FGF14: variants seen among roughly 807,000 people sequenced by gnomAD.
FGF14 encodes fibroblast growth factor homologous factor 4.
FGF14 carries 5 observed loss-of-function variants against 25.5 expected under a neutral mutation model. The observed-to-expected ratio is 0.20, with a 90% CI of 0.10 to 0.41. The LOEUF (loss-of-function observed/expected upper bound fraction) is 0.41. FGF14 is among the 10% of genes least tolerant of loss of function. The pLI is 1.00. For synonymous variants in FGF14, 138 were observed against 118.3 expected, an observed-to-expected ratio of 1.17 and a Z score of -1.08; for missense variants, 222 against 320.1, an observed-to-expected ratio of 0.69 and a Z score of 2.34.
At chr13:102,201,754 A>G (rs890434236) in intron 1 of FGF14, among the ~76,000 whole-genome samples, 17 of 152,200 alleles carry the variant, frequency 1.1e-4, no homozygotes, top group African/African-American at 3.9e-4. Flanking sequence ...GAGAATGCTG[A>G]GGGACAAATT....
At chr13:102,207,263 C>A (rs1365798002) in intron 1 of FGF14, among the ~76,000 whole-genome samples, 3 of 151,428 alleles carry the variant, frequency 2.0e-5, no homozygotes, top group African/African-American at 7.3e-5. Context: ...CTGGGAGATA[C>A]AGTGAGACTC....
At chr13:102,005,070 G>C (rs2039709829) in intron 1 of FGF14, among the ~76,000 whole-genome samples, 10 of 152,188 alleles carry the variant, frequency 6.6e-5, no homozygotes, top group Admixed American at 6.5e-4. Context: ...CCAAAGAAGA[G>C]ATTGCATTAG....
chr13:101,907,256 C>T (rs186144210), intron 1 of FGF14, among the ~76,000 whole-genome samples: 28 of 152,084 alleles, frequency 1.8e-4, no homozygotes, highest in Admixed American at 8.5e-4. Flanking sequence ...CTAATGGTAC[C>T]CGAATACCAA....
intron 3 of FGF14, among the ~76,000 whole-genome samples, chr13:101,862,057 C>T (rs1594521030): frequency 6.6e-6 from 1 of 152,052 alleles, no homozygotes; most frequent in African/African-American, 2.4e-5. Context: ...GGGGCTAGAG[C>T]AGATAAGGTA....
chr13:101,833,724 GCA>G (rs1462711762), intron 3 of FGF14, among the ~76,000 whole-genome samples: 2 of 151,980 alleles, frequency 1.3e-5, no homozygotes, highest in Non-Finnish European at 2.9e-5. Flanking sequence ...TGGCTAGTTT[GCA>G]CACAGTTCAA....
chr13:101,916,704 A>T lies in FGF14; in HGVS notation c.-59T>A. The T allele has an allele frequency of 7.1e-7, 1 of 1,406,190 alleles. No individual in the cohort carries two copies. Among genetic ancestry groups the T allele is most frequent in the Non-Finnish European group, 9.4e-7 (1 of 1,064,818 alleles). The allele number at this position is 1,406,190 out of a possible 1,614,324, so 87.1% of individuals were successfully genotyped here. On this transcript the variant is annotated 5_prime_UTR_variant, in exon 1 of 5. Coordinates refer to ENST00000376143, the MANE Select transcript of FGF14 (RefSeq NM_004115.4). ...CGCGGGAGGACGGCGAGCCGGGGGC[A>T]CCGGAGGGGAAGGCGGCGGCGCAGA...
At chr13:102,378,846 CAAT>C (rs1171700597) in intron 1 of FGF14, among the ~76,000 whole-genome samples, 1 of 151,932 alleles carries the variant, frequency 6.6e-6, no homozygotes, top group Non-Finnish European at 1.5e-5. Context: ...GACTATCTAA[CAAT>C]AATTGCAAAG....
chr13:102,092,898 G>T (rs1270381941), intron 1 of FGF14, among the ~76,000 whole-genome samples: 1 of 152,126 alleles, frequency 6.6e-6, no homozygotes, highest in African/African-American at 2.4e-5. Flanking sequence ...TACAGCAAAG[G>T]TTTTATGAAG....
intron 3 of FGF14, among the ~76,000 whole-genome samples, chr13:101,727,835 A>T (rs1784843822): frequency 6.6e-6 from 1 of 152,282 alleles, no homozygotes; most frequent in African/African-American, 2.4e-5. Context: ...TTCTATATGT[A>T]TATAAAATAT....
chr13:102,163,691 T>C (rs1180919471), intron 1 of FGF14, among the ~76,000 whole-genome samples: 2 of 151,908 alleles, frequency 1.3e-5, no homozygotes. Context: ...CACAAAAGTA[T>C]AGGGTGTAGG....
At chr13:101,729,615 T>C (rs949778615) in intron 3 of FGF14, among the ~76,000 whole-genome samples, 1 of 152,128 alleles carries the variant, frequency 6.6e-6, no homozygotes, top group African/African-American at 2.4e-5. Context: ...GTTGGGATGA[T>C]TGAGTGAATA....
intron 1 of FGF14, among the ~76,000 whole-genome samples, chr13:102,059,739 T>A (rs952240760): frequency 3.3e-5 from 5 of 151,824 alleles, no homozygotes; most frequent in African/African-American, 1.2e-4. Context: ...TAGCCCCAGC[T>A]ACTCAGGAGG....
intron 3 of FGF14, among the ~76,000 whole-genome samples, chr13:101,728,401 T>C (rs889638185): frequency 1.3e-5 from 2 of 152,138 alleles, no homozygotes; most frequent in African/African-American, 4.8e-5. Context: ...TGTTCTGGCT[T>C]TCTACTGAGT....
chr13:102,163,832 G>GC (rs149786408), intron 1 of FGF14, among the ~76,000 whole-genome samples: 15,601 of 151,510 alleles, frequency 0.1, 970 homozygotes, highest in Middle Eastern at 0.23. Flanking sequence ...AATCAGACTT[G>GC]CCCCCCCCAG....
chr13:102,399,141 A>G (rs2058645684), intron 1 of FGF14, among the ~76,000 whole-genome samples: 1 of 151,992 alleles, frequency 6.6e-6, no homozygotes, highest in Non-Finnish European at 1.5e-5. Context: ...TATTCCAGAG[A>G]GATGAAAGTG....
chr13:102,394,662 G>A (rs1198021607), intron 1 of FGF14: 1 of 152,308 alleles, frequency 6.6e-6, no homozygotes, highest in Admixed American at 6.5e-5. Context: ...CCGAGGCTGG[G>A]AGCGCGGTGA....
chr13:101,917,357 A>T (rs1046144074), upstream of FGF14, among the ~76,000 whole-genome samples: 6 of 151,960 alleles, frequency 3.9e-5, no homozygotes, highest in African/African-American at 1.4e-4. Context: ...AACAAAACGT[A>T]TAGGTAATAA....
At chr13:101,735,043 A>G (rs1413162127) in intron 3 of FGF14, among the ~76,000 whole-genome samples, 1 of 152,188 alleles carries the variant, frequency 6.6e-6, no homozygotes, top group African/African-American at 2.4e-5. Context: ...GTGCTTGTGC[A>G]GCTGGGATTG....
At chr13:101,764,025 A>G (rs895373980) in intron 3 of FGF14, among the ~76,000 whole-genome samples, 1 of 152,054 alleles carries the variant, frequency 6.6e-6, no homozygotes, top group Non-Finnish European at 1.5e-5. Context: ...AAGAAAGTTA[A>G]CCTCCCCAGA....
Sources: gnomAD v4.1 joint callset for allele counts (sites outside exome capture counted in the v4.1 genomes callset) on GRCh38, gnomAD v4.1.1 for gene constraint, MANE v1.5 for transcripts, NCBI Gene and HGNC (gene_info 2026-07-23, HGNC 2026-07-21) for gene names.